Variants in CNTNAP2 observed in about 807,000 individuals in gnomAD.
CNTNAP2 encodes the protein contactin-associated protein-like 2.
Under a neutral mutation model 155.2 loss-of-function variants are expected in CNTNAP2, and 98 were observed. The ratio of observed to expected loss-of-function variants is 0.63; its 90% confidence interval spans 0.54 to 0.75. The LOEUF (loss-of-function observed/expected upper bound fraction) is 0.75. Among genes scored for constraint, CNTNAP2 ranks in the 30% least tolerant of loss-of-function variants. The probability of loss-of-function intolerance (pLI) is 0.00; values close to 1 mark genes in which losing one functional copy is unlikely to be tolerated. For synonymous variants in CNTNAP2, 651 were observed against 631.2 expected (o/e 1.03, Z -0.47); for missense variants, 1,727 against 1,688.1 (o/e 1.02, Z -0.40).
intron 9 of CNTNAP2, among the ~76,000 whole-genome samples, chr7:147,376,846 A>G (rs1796443015): frequency 6.6e-6 from 1 of 152,002 alleles, no homozygotes; most frequent in South Asian, 2.1e-4. Context: ...ACTACTGTAT[A>G]TTACAAATGA....
At chr7:147,716,628 T>C (rs1298489324) in intron 13 of CNTNAP2, among the ~76,000 whole-genome samples, 3 of 152,154 alleles carry the variant, frequency 2.0e-5, no homozygotes, top group African/African-American at 4.8e-5. Flanking sequence ...GGTAGCCCTT[T>C]TCTATTGACG....
intron 9 of CNTNAP2, among the ~76,000 whole-genome samples, chr7:147,312,648 A>C (rs2116799116): frequency 9.1e-6 from 1 of 109,380 alleles, no homozygotes; most frequent in African/African-American, 4.4e-5. Flanking sequence ...CATTTTCTTA[A>C]TCCAGTCTAT....
At chr7:147,147,019 G>A (rs1801718400) in intron 8 of CNTNAP2, among the ~76,000 whole-genome samples, 1 of 152,180 alleles carries the variant, frequency 6.6e-6, no homozygotes. Flanking sequence ...ATCAGAGACT[G>A]GGTAATTCAT....
chr7:147,212,089 A>G (rs1803160539), intron 8 of CNTNAP2, among the ~76,000 whole-genome samples: 1 of 152,152 alleles, frequency 6.6e-6, no homozygotes, highest in African/African-American at 2.4e-5. Flanking sequence ...TTAAAAAGTC[A>G]TAAAACAACA....
At chr7:146,955,304 A>C (rs1797409633) in intron 3 of CNTNAP2, among the ~76,000 whole-genome samples, 1 of 151,988 alleles carries the variant, frequency 6.6e-6, no homozygotes, top group African/African-American at 2.4e-5. Flanking sequence ...AAGAAGATTT[A>C]AGACTGTTTA....
intron 18 of CNTNAP2, chr7:148,190,291 A>C (rs1197609220): frequency 6.6e-6 from 1 of 152,238 alleles, no homozygotes; most frequent in Non-Finnish European, 1.5e-5. Flanking sequence ...CACATGAAAA[A>C]GCTTTGAGAT....
chr7:146,311,607 C>CAAAAAAAAAAAAAAAAAAA (rs71175646), intron 1 of CNTNAP2: 2 of 38,878 alleles, frequency 5.1e-5, no homozygotes, highest in Non-Finnish European at 1.2e-4. Context: ...CTTGTCTTTA[C>CAAAAAAAAAAAAAAAAAAA]AAAAAAAAAA....
intron 3 of CNTNAP2, among the ~76,000 whole-genome samples, chr7:146,851,074 T>C (rs1451999867): frequency 6.6e-6 from 1 of 152,162 alleles, no homozygotes; most frequent in Non-Finnish European, 1.5e-5. Context: ...AACCTCCGCC[T>C]CCCAAGTTCA....
chr7:148,125,865 C>A (rs1418126137), intron 16 of CNTNAP2, among the ~76,000 whole-genome samples: 1 of 151,822 alleles, frequency 6.6e-6, no homozygotes, highest in African/African-American at 2.4e-5. Flanking sequence ...CTATGCCTGG[C>A]TAATTTTTTA....
intron 1 of CNTNAP2, among the ~76,000 whole-genome samples, chr7:146,746,908 G>A (rs972217366): frequency 1.3e-5 from 2 of 150,684 alleles, no homozygotes; most frequent in African/African-American, 5.0e-5. Context: ...CAACAAAGAA[G>A]TTTTTTCCTA....
chr7:147,924,143 C>CTTTTTCT (rs1554450279), intron 14 of CNTNAP2, among the ~76,000 whole-genome samples: 3 of 123,494 alleles, frequency 2.4e-5, no homozygotes, highest in African/African-American at 9.5e-5. Flanking sequence ...CTTTTCTTTT[C>CTTTTTCT]TTTTTTTTTT....
At position 147,448,949 on chromosome 7, in the gene CNTNAP2, A is replaced by G. The variant is rs1354872249; in HGVS notation, c.1671-36986A>G. ...CAATAAATAAACTCTTTGAATAAAA[A>G]AGAACCCTAAGCATCTTTTTGCAAA... On this transcript the variant is annotated intron_variant, in intron 10 of 23. Coordinates refer to ENST00000361727, the MANE Select transcript of CNTNAP2 (RefSeq NM_014141.6). Among the ~76,000 whole-genome samples the G allele has an allele frequency of 5.3e-5, 8 of 151,130 alleles. No homozygotes were observed. In the East Asian group the frequency reaches 1.5e-3, roughly 29 times the overall value.
chr7:148,291,238 G>A (rs562168681), intron 21 of CNTNAP2, among the ~76,000 whole-genome samples: 36 of 151,282 alleles, frequency 2.4e-4, no homozygotes, highest in Non-Finnish European at 4.3e-4. Context: ...GTATGTAAGT[G>A]ATCAGCATGT....
chr7:147,040,447 G>T (rs767020050), intron 3 of CNTNAP2, among the ~76,000 whole-genome samples: 1 of 143,176 alleles, frequency 7.0e-6, no homozygotes, highest in African/African-American at 2.6e-5. Context: ...TGGATTAAGA[G>T]TGAATTTTTT....
At chr7:148,278,679 G>T (rs952615112) in intron 21 of CNTNAP2, among the ~76,000 whole-genome samples, 1 of 152,110 alleles carries the variant, frequency 6.6e-6, no homozygotes, top group African/African-American at 2.4e-5. Flanking sequence ...CAGAACAATG[G>T]ATAAAACAGA....
At chr7:146,631,975 GTA>G (rs1304336098) in intron 1 of CNTNAP2, among the ~76,000 whole-genome samples, 1 of 152,104 alleles carries the variant, frequency 6.6e-6, no homozygotes, top group Non-Finnish European at 1.5e-5. Context: ...TTGATTAAAA[GTA>G]TATCATTTAC....
At chr7:148,286,226 G>A (rs1459138534) in intron 21 of CNTNAP2, among the ~76,000 whole-genome samples, 2 of 152,042 alleles carry the variant, frequency 1.3e-5, no homozygotes, top group Non-Finnish European at 2.9e-5. Flanking sequence ...ATTGTTCAAG[G>A]GTCAACTGTG....
intron 1 of CNTNAP2, among the ~76,000 whole-genome samples, chr7:146,637,297 A>G (rs917809800): frequency 7.9e-5 from 12 of 152,230 alleles, no homozygotes; most frequent in African/African-American, 2.9e-4. Flanking sequence ...TACATATTAC[A>G]CATGAAAACT....
At position 147,128,653 on chromosome 7, in the gene CNTNAP2, T is replaced by A. The variant is rs561532560; in HGVS notation, c.940-40T>A. The A allele has an allele frequency of 1.2e-5, 19 of 1,612,178 alleles. No individual in the cohort carries two copies. The South Asian group carries it at 2.1e-4, about 18-fold the overall frequency. On this transcript the variant is annotated intron_variant, in intron 6 of 23. Coordinates refer to ENST00000361727, the MANE Select transcript of CNTNAP2 (RefSeq NM_014141.6). ...CATAGTTTTGTCTAGTTCATCATAATACAATGTGGACGTTTACATTTAATT... is the reference window on the plus strand; with the variant it reads ...CATAGTTTTGTCTAGTTCATCATAAAACAATGTGGACGTTTACATTTAATT...
Sources: allele counts gnomAD v4.1 joint callset (sites outside exome capture counted in the v4.1 genomes callset), GRCh38; gene constraint gnomAD v4.1.1; transcripts MANE v1.5; gene names NCBI Gene and HGNC (gene_info 2026-07-23, HGNC 2026-07-21).